Variants in RYR2 observed in about 807,000 individuals in gnomAD.
RYR2 encodes ryanodine receptor 2.
In RYR2, 227 loss-of-function variants were observed where a neutral mutation model predicts 601.1. That is an observed-to-expected ratio of 0.38 (90% confidence interval 0.34 to 0.42). The LOEUF is 0.42. RYR2 is among the 10% of genes least tolerant of loss of function. The pLI is 1.00. For missense variants in RYR2, 4,646 were observed against 6,156.5 expected (o/e 0.75, Z 8.21); for synonymous variants, 2,223 against 2,175.1 (o/e 1.02, Z -0.61).
chr1:237,674,111 C>T lies in RYR2; in HGVS notation c.8606C>T (p.Pro2869Leu), dbSNP rs374318917. Residue 2869 changes from proline to leucine, a missense_variant, in exon 59 of 105, where the codon CCT (proline) becomes CTT (leucine). Pro to Leu is a moderately conservative substitution (Grantham distance 98). Around this residue, in one of 17 missense-constraint regions of RYR2, gnomAD observed 1,497 missense variants for 1,842.6 expected, o/e 0.81. Coordinates refer to ENST00000366574, the MANE Select transcript of RYR2 (RefSeq NM_001035.3). The stretch of plus-strand genomic sequence containing the variant: ...ATACTCTTAGGAGGAGGAAACCATC[C>T]TCTGCTGGTGCCCTATGATACACTG... ...ELESKGGGNHPLLVPYDTLTA... is the reference protein window; with the variant it reads ...ELESKGGGNHLLLVPYDTLTA... 3.1e-6 allele frequency: 5 copies of T among 1,611,602 alleles called. No individual in the cohort carries two copies. The South Asian group carries it at 4.4e-5, about 14-fold the overall frequency.
At chr1:237,206,194 G>T (rs7556438) in intron 1 of RYR2, among the ~76,000 whole-genome samples, 1 of 152,088 alleles carries the variant, frequency 6.6e-6, no homozygotes, top group Non-Finnish European at 1.5e-5. Flanking sequence ...CAGGGGGACC[G>T]TGAGCCACTA....
intron 76 of RYR2, among the ~76,000 whole-genome samples, chr1:237,727,655 C>T (rs747491034): frequency 4.6e-5 from 7 of 152,104 alleles, no homozygotes; most frequent in Non-Finnish European, 4.4e-5. Context: ...TTGATGTATA[C>T]AGAGTGCTTA....
intron 21 of RYR2, among the ~76,000 whole-genome samples, chr1:237,502,368 G>T (rs529111785): frequency 6.6e-6 from 1 of 152,062 alleles, no homozygotes; most frequent in Non-Finnish European, 1.5e-5. Flanking sequence ...TAGCGATAAG[G>T]TTACCTGCTT....
intron 11 of RYR2, among the ~76,000 whole-genome samples, chr1:237,420,777 T>G (rs952112176): frequency 4.6e-5 from 7 of 152,182 alleles, no homozygotes; most frequent in African/African-American, 7.2e-5. Context: ...GGTTAAAATT[T>G]TGTGCTGTTT....
chr1:237,795,382 T>G, intron 96 of RYR2, 51 bp downstream of exon 96: 2 of 910,262 alleles, frequency 2.2e-6, no homozygotes, highest in South Asian at 3.2e-5. Context: ...AGTTTAGATT[T>G]TTATTTGATG....
At chr1:237,101,322 A>AAAC (rs1558234313) in intron 1 of RYR2, among the ~76,000 whole-genome samples, 2 of 151,516 alleles carry the variant, frequency 1.3e-5, no homozygotes, top group Non-Finnish European at 2.9e-5. Flanking sequence ...AAAAAAAAAA[A>AAAC]AACCTCACAA....
chr1:237,332,711 A>C (rs576874287), intron 3 of RYR2, among the ~76,000 whole-genome samples: 21 of 152,354 alleles, frequency 1.4e-4, no homozygotes, highest in Non-Finnish European at 2.8e-4. Context: ...CCATAAATTT[A>C]ATTTTTTTAT....
chr1:237,590,592 A>G, intron 30 of RYR2, 48 bp from the exon 31 acceptor site: 1 of 1,434,584 alleles, frequency 7.0e-7, no homozygotes, highest in Non-Finnish European at 9.3e-7. Context: ...GAATCAGGAA[A>G]TTGACAATGG....
chr1:237,822,891 G>A (rs1004974021), intron 101 of RYR2, among the ~76,000 whole-genome samples: 1 of 152,172 alleles, frequency 6.6e-6, no homozygotes, highest in African/African-American at 2.4e-5. Context: ...TGCAATTCTA[G>A]TCTCTGATAG....
At chr1:237,750,921 A>G (rs948116126) in intron 80 of RYR2, among the ~76,000 whole-genome samples, 2 of 152,232 alleles carry the variant, frequency 1.3e-5, no homozygotes, top group Non-Finnish European at 2.9e-5. Flanking sequence ...ACTGTATCAA[A>G]TACTTGGAGT....
chr1:237,717,980 G>C (rs148725701), intron 72 of RYR2, among the ~76,000 whole-genome samples: 1 of 152,260 alleles, frequency 6.6e-6, no homozygotes, highest in African/African-American at 2.4e-5. Context: ...AACATGCATC[G>C]TTTGACATTC....
In RYR2 at chr1:237,674,239, A is replaced by C; in HGVS notation, c.8714+20A>C. The C allele has an allele frequency of 6.3e-7, 1 of 1,581,676 alleles. No individual in the cohort carries two copies. The highest frequency in any genetic ancestry group is 8.7e-7 in the Non-Finnish European group (1 of 1,152,164). ...ATCCAGGTAAAAGTACACATACCCT[A>C]AGTACACACTCTTTTCACAAGAGTG... is the stretch of plus-strand genomic sequence containing the variant. On this transcript the variant is annotated intron_variant, in intron 59 of 104. Transcript: ENST00000366574.
At chr1:237,145,157 C>T (rs919551201) in intron 1 of RYR2, among the ~76,000 whole-genome samples, 20 of 151,324 alleles carry the variant, frequency 1.3e-4, no homozygotes, top group Admixed American at 2.0e-4. Flanking sequence ...CACCATGGCA[C>T]GTATATACCT....
chr1:237,046,749 G>A (rs992325102), intron 1 of RYR2, among the ~76,000 whole-genome samples: 1 of 152,212 alleles, frequency 6.6e-6, no homozygotes, highest in African/African-American at 2.4e-5. Context: ...GGGTGACTGT[G>A]CTTCTTTAGA....
intron 79 of RYR2, among the ~76,000 whole-genome samples, chr1:237,734,381 A>C (rs752383285): frequency 6.6e-6 from 1 of 152,178 alleles, no homozygotes; most frequent in Non-Finnish European, 1.5e-5. Context: ...TGAGAACAGC[A>C]TGAGGGAAAC....
rs148203441 is a variant in RYR2, at chr1:237,756,158, C to T, written c.11146-130C>T. 2.1e-4 allele frequency: 121 copies of T among 567,152 alleles called. No individual in the cohort carries two copies. In the East Asian group the frequency reaches 3.2e-3, roughly 15 times the overall value. 35.1% of individuals were successfully genotyped at this position (567,152 alleles called of 1,614,324 possible). On this transcript the variant is annotated intron_variant, in intron 80 of 104. Coordinates refer to ENST00000366574, the MANE Select transcript of RYR2 (RefSeq NM_001035.3). The stretch of plus-strand genomic sequence containing the variant: ...GTTAATAATATCTGTTGAAGAACAT[C>T]GTTGGTGTTGAAATGGTCCATAATG...
At chr1:237,066,013 C>G (rs1187538413) in intron 1 of RYR2, among the ~76,000 whole-genome samples, 1 of 152,186 alleles carries the variant, frequency 6.6e-6, no homozygotes, top group Non-Finnish European at 1.5e-5. Context: ...CAACCAGACC[C>G]CACCTCCAAC....
At chr1:237,713,584 A>T (rs1689016712) in intron 71 of RYR2, among the ~76,000 whole-genome samples, 1 of 152,074 alleles carries the variant, frequency 6.6e-6, no homozygotes, top group Non-Finnish European at 1.5e-5. Flanking sequence ...TTTTTAGTAG[A>T]GACAGGGTTT....
intron 80 of RYR2, chr1:237,743,644 G>A (rs1462132668): frequency 1.9e-6 from 1 of 517,504 alleles, no homozygotes; most frequent in Non-Finnish European, 3.9e-6. Flanking sequence ...ATATATGTGT[G>A]TATTTGTCTG....
Sources: gnomAD v4.1 joint callset for allele counts (sites outside exome capture counted in the v4.1 genomes callset) on GRCh38, gnomAD v4.1.1 for gene constraint, gnomAD v4.1.1 regional missense constraint, MANE v1.5 for transcripts, NCBI Gene and HGNC (gene_info 2026-07-23, HGNC 2026-07-21) for gene names.